NR6A1: variants seen among roughly 807,000 people sequenced by gnomAD.
NR6A1 encodes nuclear receptor subfamily 6 group A member 1, also known as retinoic acid receptor-related testis-associated receptor.
Under a neutral mutation model 59.1 loss-of-function variants are expected in NR6A1, and 7 were observed. The observed-to-expected ratio is 0.12, with a 90% CI of 0.07 to 0.22. The LOEUF is 0.22. Ranked by LOEUF, NR6A1 falls within the 10% of genes least tolerant of loss-of-function variation. The pLI, the probability that NR6A1 is intolerant of heterozygous loss-of-function variation, is 1.00. For missense variants in NR6A1, 468 were observed against 611.6 expected, an observed-to-expected ratio of 0.77 and a Z score of 2.48; for synonymous variants, 243 against 236.1, an observed-to-expected ratio of 1.03 and a Z score of -0.27.
chr9:124,626,194 C>G (rs1388151617), intron 2 of NR6A1, among the ~76,000 whole-genome samples: 4 of 152,174 alleles, frequency 2.6e-5, no homozygotes, highest in African/African-American at 7.2e-5. Context: ...TCCGTAGAGA[C>G]AGGGTTTCAC....
At chr9:124,712,607 CAAA>C (rs5900623) in intron 2 of NR6A1, among the ~76,000 whole-genome samples, 3 of 141,506 alleles carry the variant, frequency 2.1e-5, no homozygotes, top group Non-Finnish European at 1.6e-5. Flanking sequence ...GACCCTGTCT[CAAA>C]AAAAAAAAAA....
chr9:124,707,433 T>C (rs1230532582), intron 2 of NR6A1, among the ~76,000 whole-genome samples: 1 of 152,142 alleles, frequency 6.6e-6, no homozygotes, highest in Admixed American at 6.5e-5. Context: ...CCTTTATTTC[T>C]CTGGAATATC....
At chr9:124,664,255 A>C (rs1379422386) in intron 2 of NR6A1, among the ~76,000 whole-genome samples, 4 of 152,246 alleles carry the variant, frequency 2.6e-5, no homozygotes, top group Non-Finnish European at 5.9e-5. Flanking sequence ...GGAGGACATA[A>C]GGCAGTAGAT....
intron 2 of NR6A1, among the ~76,000 whole-genome samples, chr9:124,637,909 A>AG (rs1207104845): frequency 1.9e-4 from 29 of 149,708 alleles, no homozygotes; most frequent in East Asian, 3.9e-4. Context: ...AAAAAAAAAA[A>AG]AAAGAAAAAA....
At chr9:124,696,513 T>C (rs559220722) in intron 2 of NR6A1, among the ~76,000 whole-genome samples, 1 of 146,418 alleles carries the variant, frequency 6.8e-6, no homozygotes, top group Admixed American at 7.3e-5. Flanking sequence ...TACATAATGT[T>C]CTCTAGCTTT....
Position 124,660,018 on chromosome 9 carries a change from A to G in NR6A1, c.142+73290T>C, listed in dbSNP as rs150306475. ...AAGTAGAATGCACTTGGGGGAAAAA[A>G]GGAGGATTTTTCCCTTCATGGGTTG... On this transcript the variant is annotated intron_variant, in intron 2 of 9. Transcript: ENST00000487099. Among the ~76,000 whole-genome samples the G allele has an allele frequency of 3.6e-3, 550 of 152,328 alleles. 3 individuals carry two copies. Among genetic ancestry groups the G allele is most frequent in the Non-Finnish European group, 5.7e-3 (388 of 68,030 alleles).
intron 2 of NR6A1, among the ~76,000 whole-genome samples, chr9:124,700,754 CTTTTTTTT>C (rs35704226): frequency 9.9e-5 from 9 of 91,288 alleles, no homozygotes; most frequent in African/African-American, 4.2e-4. Flanking sequence ...TTTACATAGC[CTTTTTTTT>C]TTTTTTTTTT....
chr9:124,722,245 C>G (rs1429857669), intron 2 of NR6A1, among the ~76,000 whole-genome samples: 1 of 152,170 alleles, frequency 6.6e-6, no homozygotes, highest in Admixed American at 6.5e-5. Context: ...TATAATCCTT[C>G]TCACACTTAC....
chr9:124,556,699 G>A (rs901265854), intron 2 of NR6A1, among the ~76,000 whole-genome samples: 4 of 151,940 alleles, frequency 2.6e-5, no homozygotes, highest in Non-Finnish European at 5.9e-5. Flanking sequence ...GACCTCAAGT[G>A]ATCTGCACAC....
chr9:124,579,787 G>C (rs1834708609), intron 2 of NR6A1, among the ~76,000 whole-genome samples: 1 of 152,038 alleles, frequency 6.6e-6, no homozygotes, highest in African/African-American at 2.4e-5. Context: ...GAGGCGGGTG[G>C]ATCACTTGAG....
At chr9:124,729,215 A>C (rs574432408) in intron 2 of NR6A1, among the ~76,000 whole-genome samples, 35 of 152,148 alleles carry the variant, frequency 2.3e-4, no homozygotes, top group Non-Finnish European at 5.0e-4. Context: ...ACGTATTTGG[A>C]AATTTAAATT....
chr9:124,648,770 A>G (rs1564217854), intron 2 of NR6A1, among the ~76,000 whole-genome samples: 1 of 152,186 alleles, frequency 6.6e-6, no homozygotes, highest in Non-Finnish European at 1.5e-5. Context: ...TACAAAATCA[A>G]CATACAAAAA....
intron 1 of NR6A1, among the ~76,000 whole-genome samples, chr9:124,749,808 T>C (rs1166231779): frequency 6.6e-6 from 1 of 152,238 alleles, no homozygotes; most frequent in African/African-American, 2.4e-5. Flanking sequence ...CAGTTTTTGA[T>C]ACCTATTATA....
At chr9:124,699,062 G>A (rs1028981297) in intron 2 of NR6A1, among the ~76,000 whole-genome samples, 1 of 152,144 alleles carries the variant, frequency 6.6e-6, no homozygotes, top group Admixed American at 6.6e-5. Context: ...TTATGTATTC[G>A]TGGTCAAGCC....
chr9:124,675,233 T>C (rs1056383003), intron 2 of NR6A1, among the ~76,000 whole-genome samples: 1 of 152,264 alleles, frequency 6.6e-6, no homozygotes, highest in Middle Eastern at 3.2e-3. Context: ...GACTGGCTTA[T>C]GTTGCTGACT....
chr9:124,658,626 G>A (rs191459574), intron 2 of NR6A1: 3 of 152,056 alleles, frequency 2.0e-5, no homozygotes, highest in Admixed American at 6.6e-5. Context: ...ACAGCAGCTC[G>A]AACTTTTTTG....
intron 2 of NR6A1, among the ~76,000 whole-genome samples, chr9:124,640,872 TA>T (rs534497979): frequency 6.8e-4 from 103 of 152,324 alleles, no homozygotes; most frequent in African/African-American, 2.5e-3. Context: ...CCTAATTCTA[TA>T]AATGGGCTTG....
At chr9:124,563,209 T>C (rs1318448034) in intron 2 of NR6A1, among the ~76,000 whole-genome samples, 1 of 152,330 alleles carries the variant, frequency 6.6e-6, no homozygotes, top group African/African-American at 2.4e-5. Flanking sequence ...CACAGCATCA[T>C]GTTTGGAAAA....
At chr9:124,737,382 A>C (rs1588842062) in intron 1 of NR6A1, among the ~76,000 whole-genome samples, 1 of 152,242 alleles carries the variant, frequency 6.6e-6, no homozygotes, top group African/African-American at 2.4e-5. Flanking sequence ...CCACAAGGCA[A>C]TGAAATGGCC....
Sources: gnomAD v4.1 joint callset for allele counts (sites outside exome capture counted in the v4.1 genomes callset) on GRCh38, gnomAD v4.1.1 for gene constraint, MANE v1.5 for transcripts, NCBI Gene and HGNC (gene_info 2026-07-23, HGNC 2026-07-21) for gene names.